Variants in DGKB observed in about 807,000 individuals in gnomAD.
DGKB encodes the protein diacylglycerol kinase beta, also known as 90 kDa diacylglycerol kinase.
Under a neutral mutation model 114.3 loss-of-function variants are expected in DGKB, and 67 were observed. The observed-to-expected ratio is 0.59, with a 90% CI of 0.48 to 0.72. DGKB has a LOEUF of 0.72. DGKB is among the 30% of genes least tolerant of loss of function. The probability of loss-of-function intolerance (pLI) is 0.00; values close to 1 mark genes in which losing one functional copy is unlikely to be tolerated. For missense variants in DGKB, 907 were observed against 975.2 expected, an observed-to-expected ratio of 0.93 and a Z score of 0.93; for synonymous variants, 398 against 323.1, an observed-to-expected ratio of 1.23 and a Z score of -2.49.
chr7:14,661,446 A>G (rs1043427604), intron 13 of DGKB, among the ~76,000 whole-genome samples: 21 of 135,262 alleles, frequency 1.6e-4, no homozygotes, highest in African/African-American at 5.6e-4. Context: ...CAAAAAACAC[A>G]TGAAAAAATG....
intron 23 of DGKB, among the ~76,000 whole-genome samples, chr7:14,279,221 G>A (rs889548758): frequency 7.5e-5 from 11 of 145,894 alleles, no homozygotes; most frequent in South Asian, 2.1e-4. Context: ...CACGTGGCTC[G>A]GAGGGTCCTA....
intron 17 of DGKB, among the ~76,000 whole-genome samples, chr7:14,602,571 G>A (rs910212607): frequency 2.0e-5 from 3 of 152,166 alleles, no homozygotes; most frequent in African/African-American, 4.8e-5. Context: ...CCAGCCAGCT[G>A]TTTTTCTGCT....
chr7:14,248,368 G>A (rs557827279), intron 23 of DGKB, among the ~76,000 whole-genome samples: 1 of 151,992 alleles, frequency 6.6e-6, no homozygotes, highest in African/African-American at 2.4e-5. Context: ...TTAGGATTGT[G>A]TTTTCTATTT....
At chr7:14,358,280 T>C (rs550802455) in intron 21 of DGKB, among the ~76,000 whole-genome samples, 23 of 152,312 alleles carry the variant, frequency 1.5e-4, no homozygotes, top group Admixed American at 4.6e-4. Flanking sequence ...TCTTGGAGGC[T>C]TTGTTCATTT....
chr7:14,865,234 G>C (rs138586481), intron 1 of DGKB, among the ~76,000 whole-genome samples: 1 of 152,292 alleles, frequency 6.6e-6, no homozygotes, highest in African/African-American at 2.4e-5. Flanking sequence ...GTGAATCCCA[G>C]TTCTTGCTTA....
intron 17 of DGKB, among the ~76,000 whole-genome samples, chr7:14,590,311 T>G (rs1315414879): frequency 1.3e-5 from 2 of 152,102 alleles, no homozygotes; most frequent in Non-Finnish European, 2.9e-5. Flanking sequence ...CTCCTAGATT[T>G]TCAAACATTG....
At chr7:14,464,502 C>G (rs2128875302) in intron 21 of DGKB, among the ~76,000 whole-genome samples, 1 of 152,262 alleles carries the variant, frequency 6.6e-6, no homozygotes, top group East Asian at 1.9e-4. Context: ...TATGACATCA[C>G]AGTGACTACT....
intron 23 of DGKB, among the ~76,000 whole-genome samples, chr7:14,320,244 C>G (rs760269245): frequency 6.6e-6 from 1 of 152,136 alleles, no homozygotes. Context: ...TCCAGGTGTT[C>G]TATCTACTTC....
At chr7:14,229,998 G>A (rs1182193615) in intron 23 of DGKB, among the ~76,000 whole-genome samples, 1 of 151,988 alleles carries the variant, frequency 6.6e-6, no homozygotes. Flanking sequence ...TATAGTGAAA[G>A]ATTTGTGGTG....
rs1457389898 is a variant in DGKB, at chr7:14,178,162, G to T, written c.2123-11C>A. ...GCTGGTCACTGAGATCTGAAAGAAA[G>T]TAGATGCCTTTTAAGTTGCAATGTG... On this transcript the variant is annotated splice_polypyrimidine_tract_variant and intron_variant, in intron 23 of 25. Transcript: ENST00000402815. The T allele has an allele frequency of 6.2e-7, 1 of 1,613,126 alleles. No individual in the cohort carries two copies. Among genetic ancestry groups the T allele is most frequent in the Non-Finnish European group, 8.5e-7 (1 of 1,179,700 alleles).
intron 21 of DGKB, among the ~76,000 whole-genome samples, chr7:14,409,130 T>C (rs1313687093): frequency 6.6e-6 from 1 of 152,144 alleles, no homozygotes; most frequent in Non-Finnish European, 1.5e-5. Flanking sequence ...CATAAGGTAC[T>C]ACTGAAATAA....
At chr7:14,189,164 A>G (rs1034723692) in intron 23 of DGKB, among the ~76,000 whole-genome samples, 7 of 152,216 alleles carry the variant, frequency 4.6e-5, no homozygotes, top group Non-Finnish European at 1.0e-4. Flanking sequence ...ACGTCTTTCA[A>G]TCCTCTAGTA....
chr7:14,836,397 ACATTATATATAGCAAATAAAAAGCT>A (rs1847165215), intron 2 of DGKB, among the ~76,000 whole-genome samples: 1 of 152,210 alleles, frequency 6.6e-6, no homozygotes, highest in Non-Finnish European at 1.5e-5. Context: ...TATATAACAC[ACATTATATATAGCAAATAAAAAGCT>A]AACCCTAAGT....
In DGKB at chr7:14,368,047, T is replaced by C. The variant is rs552905519; in HGVS notation, c.1836-22656A>G. ...TGATATTTTCTTTTTTTAATTTTAA[T>C]TTTTAAATAGAATTCATTTTATTTG... On this transcript the variant is annotated intron_variant, in intron 21 of 25. Transcript: ENST00000402815. Among the ~76,000 whole-genome samples the C allele has an allele frequency of 2.3e-3, 351 of 152,210 alleles. 1 individual carries two copies. The highest frequency in any genetic ancestry group is 0.01 in the Middle Eastern group (3 of 294).
intron 18 of DGKB, among the ~76,000 whole-genome samples, chr7:14,582,297 A>C (rs940134696): frequency 6.6e-6 from 1 of 152,198 alleles, no homozygotes; most frequent in Non-Finnish European, 1.5e-5. Context: ...AACTGACTAG[A>C]TCTGAAAAAG....
At chr7:14,344,877 T>C (rs1026651862) in intron 22 of DGKB, among the ~76,000 whole-genome samples, 2 of 151,696 alleles carry the variant, frequency 1.3e-5, no homozygotes, top group African/African-American at 2.4e-5. Flanking sequence ...TGGAAAAGTA[T>C]ACTTTTTAAC....
At chr7:14,794,637 C>T (rs942901964) in intron 2 of DGKB, among the ~76,000 whole-genome samples, 1 of 152,120 alleles carries the variant, frequency 6.6e-6, no homozygotes, top group African/African-American at 2.4e-5. Context: ...TGTCAAAAAT[C>T]CAAAGCAGAG....
intron 23 of DGKB, among the ~76,000 whole-genome samples, chr7:14,231,658 A>G (rs1791877292): frequency 1.3e-5 from 2 of 151,848 alleles, no homozygotes; most frequent in South Asian, 4.1e-4. Context: ...ATATTTATAT[A>G]TAGTCTTTTG....
intron 1 of DGKB, among the ~76,000 whole-genome samples, chr7:14,884,319 C>T (rs898324559): frequency 2.6e-5 from 4 of 151,920 alleles, no homozygotes; most frequent in Non-Finnish European, 5.9e-5. Flanking sequence ...TTTAACTATC[C>T]ATTTTCCCTC....
Sources: allele counts gnomAD v4.1 joint callset (sites outside exome capture counted in the v4.1 genomes callset), GRCh38; gene constraint gnomAD v4.1.1; transcripts MANE v1.5; gene names NCBI Gene and HGNC (gene_info 2026-07-23, HGNC 2026-07-21).